DLG5: variants seen among roughly 807,000 people sequenced by gnomAD.
DLG5 encodes disks large homolog 5.
Under a neutral mutation model 189.8 loss-of-function variants are expected in DLG5, and 48 were observed. The observed-to-expected ratio is 0.25, with a 90% confidence interval of 0.20 to 0.32. DLG5 has a LOEUF of 0.32. Ranked by LOEUF, DLG5 falls within the 10% of genes least tolerant of loss-of-function variation. The pLI is 1.00. For missense variants in DLG5, 2,160 were observed against 2,544.7 expected, an observed-to-expected ratio of 0.85 and a Z score of 3.25; for synonymous variants, 1,016 against 1,054.1, an observed-to-expected ratio of 0.96 and a Z score of 0.70.
At chr10:77,891,037 C>G (rs1419985126) in intron 1 of DLG5, among the ~76,000 whole-genome samples, 1 of 152,220 alleles carries the variant, frequency 6.6e-6, no homozygotes, top group East Asian at 1.9e-4. Flanking sequence ...ACCATCACTA[C>G]TGCCTCTACC....
At chr10:77,817,356 G>A (rs1198777357) in intron 18 of DLG5, among the ~76,000 whole-genome samples, 2 of 152,148 alleles carry the variant, frequency 1.3e-5, no homozygotes, top group East Asian at 3.9e-4. Flanking sequence ...TAAGAGACAC[G>A]GCAGCTGCTC....
At chr10:77,814,566 T>C (rs1227361667) in intron 20 of DLG5, among the ~76,000 whole-genome samples, 1 of 148,028 alleles carries the variant, frequency 6.8e-6, no homozygotes, top group East Asian at 2.0e-4. Context: ...TTTTTTCTTC[T>C]TTCTACTTTT....
At chr10:77,827,032 A>C (rs530757829) in intron 13 of DLG5, among the ~76,000 whole-genome samples, 1 of 152,326 alleles carries the variant, frequency 6.6e-6, no homozygotes, top group South Asian at 2.1e-4. Context: ...TCAACCCCCC[A>C]AAAATGTGTG....
chr10:77,874,674 A>G (rs924410124), intron 1 of DLG5, among the ~76,000 whole-genome samples: 3 of 152,242 alleles, frequency 2.0e-5, no homozygotes, highest in Admixed American at 2.0e-4. Context: ...AATATTCCAG[A>G]ATCTAGAGAA....
intron 17 of DLG5, 69 bp from the exon 18 acceptor site, chr10:77,817,958 C>T (rs1479277080): frequency 7.7e-7 from 1 of 1,301,274 alleles, no homozygotes; most frequent in Non-Finnish European, 1.1e-6. Context: ...TGGGGAGAAA[C>T]ACACAGACCA....
chr10:77,796,559 C>T lies in DLG5; in HGVS notation c.5200G>A (p.Val1734Met). The T allele has an allele frequency of 3.7e-6, 6 of 1,614,106 alleles. No homozygotes were observed. Among genetic ancestry groups the T allele is most frequent in the Non-Finnish European group, 5.1e-6 (6 of 1,180,022 alleles). The change falls in exon 28 of 32, where the codon GTG (valine) becomes ATG (methionine). Residue 1734 changes from valine (V) to methionine (M), a missense_variant. Physicochemically the swap from Val to Met is conservative, Grantham distance 21. Around this residue, in one of 5 missense-constraint regions of DLG5, gnomAD observed 574 missense variants for 644.2 expected, o/e 0.89. Transcript: ENST00000372391. The surrounding 1 kb of genome is among the most constrained non-coding windows in gnomAD (Gnocchi z 5.2). ...VSLAYQRVQK[V>M]DCTALRPVLI... is the part of the protein sequence containing the mutation. ...ACAGGCCTCAGAGCGGTGCAGTCCA[C>T]CTTCTGGACCCGCTGATAGGCCAGG...
At chr10:77,808,508 C>A (rs946508709) in intron 24 of DLG5, among the ~76,000 whole-genome samples, 1 of 152,190 alleles carries the variant, frequency 6.6e-6, no homozygotes, top group South Asian at 2.1e-4. Context: ...TTGGGCTCAA[C>A]TAATTCTCCC....
At chr10:77,868,284 T>G in intron 2 of DLG5, 1 of 366,164 alleles carries the variant, frequency 2.7e-6, no homozygotes, top group South Asian at 2.0e-5. Context: ...ATTTAACTGT[T>G]TCCCACCAAA....
At chr10:77,829,323 G>A (rs768226498) in intron 12 of DLG5, 32 bp downstream of exon 12, 6 of 1,612,560 alleles carry the variant, frequency 3.7e-6, no homozygotes, top group Non-Finnish European at 5.1e-6. Context: ...CCAGCCACCT[G>A]AGGCACTCTG....
At chr10:77,858,089 G>A (rs1000271078) in intron 2 of DLG5, among the ~76,000 whole-genome samples, 1 of 152,166 alleles carries the variant, frequency 6.6e-6, no homozygotes, top group South Asian at 2.1e-4. Context: ...GGCCAGGCAT[G>A]ACAAGCCAGA....
rs577036802 is a variant in DLG5, at chr10:77,858,336, CA to C, written c.374-1445del. Among the ~76,000 whole-genome samples the C allele has an allele frequency of 4.2e-3, 646 of 152,012 alleles. 7 individuals are homozygous for C. The highest frequency in any genetic ancestry group is 3.8e-3 in the Non-Finnish European group (260 of 67,984). ...AAAAAAAGATTAAATCACATCTCTA[CA>C]AAAAATACAAAAATTAGCCAAGAGT... On this transcript the variant is annotated intron_variant, in intron 2 of 31. Transcript: ENST00000372391.
chr10:77,894,157 C>T (rs990804423), intron 1 of DLG5, among the ~76,000 whole-genome samples: 1 of 152,204 alleles, frequency 6.6e-6, no homozygotes, highest in African/African-American at 2.4e-5. Context: ...CATACAAAAA[C>T]AGCAAGGTAT....
At chr10:77,855,213 T>C (rs765531716) in intron 3 of DLG5, among the ~76,000 whole-genome samples, 2 of 152,156 alleles carry the variant, frequency 1.3e-5, no homozygotes, top group Non-Finnish European at 2.9e-5. Context: ...ACACTGGCCA[T>C]GAGCAGTGAT....
rs562251538 is a variant in DLG5, at chr10:77,834,239, C to T, written c.1623-200G>A. Among the ~76,000 whole-genome samples the T allele has an allele frequency of 2.6e-5, 4 of 152,186 alleles. No individual in the cohort carries two copies. In the South Asian group the frequency reaches 8.3e-4, roughly 32 times the overall value. ...TGCATGACAGAGGGAATGTGGAGGA[C>T]CTGGGCAGGGAAGAGACACCCCCAC... is the stretch of plus-strand genomic sequence containing the variant. On this transcript the variant is annotated intron_variant, in intron 8 of 31. Transcript: ENST00000372391.
upstream of DLG5, chr10:77,927,102 C>G (rs1373088917): frequency 1.7e-5 from 3 of 178,424 alleles, no homozygotes; most frequent in Admixed American, 1.9e-4. Context: ...CCGCCGCCGC[C>G]GGCCCGTCCC....
intron 1 of DLG5, among the ~76,000 whole-genome samples, chr10:77,893,176 G>A (rs773173812): frequency 5.9e-5 from 9 of 152,178 alleles, no homozygotes; most frequent in Non-Finnish European, 8.8e-5. Flanking sequence ...TCTCAGCAAG[G>A]AAGGAGAGAG....
At chr10:77,819,232 C>T in intron 17 of DLG5, 89 bp downstream of exon 17, 1 of 1,592,812 alleles carries the variant, frequency 6.3e-7, no homozygotes, top group East Asian at 2.2e-5. Flanking sequence ...AGCTTCTCCA[C>T]CAATGAGCCT....
chr10:77,814,502 T>TAC (rs1841953229), intron 20 of DLG5, among the ~76,000 whole-genome samples: 1 of 121,760 alleles, frequency 8.2e-6, no homozygotes, highest in African/African-American at 3.4e-5. Flanking sequence ...TATATATATA[T>TAC]ATATCCAAAG....
In DLG5 at chr10:77,856,885, G is replaced by A. The variant is rs80256671; in HGVS notation, c.381C>T (p.Thr127=). The A allele has an allele frequency of 9.9e-5, 160 of 1,610,334 alleles. No individual in the cohort carries two copies. The East Asian group carries it at 1.1e-3, about 11-fold the overall frequency. ...SSSSLSSVGT[T]GKAPSPPPLL... ...GGGGTGGTGGGGACGGCGCCTTCCC[G>A]GTAGTGCCTGTGGAAGGGGAATAAT... Residue 127 remains threonine (T), a synonymous_variant, in exon 3 of 32, where the codon ACC becomes ACT. Transcript: ENST00000372391.
Sources: gnomAD v4.1 joint callset for allele counts (sites outside exome capture counted in the v4.1 genomes callset) on GRCh38, gnomAD v4.1.1 for gene constraint, gnomAD v4.1.1 regional missense constraint, Gnocchi (gnomAD v3.1) non-coding constraint, MANE v1.5 for transcripts, NCBI Gene and HGNC (gene_info 2026-07-23, HGNC 2026-07-21) for gene names.